RBMS3: variants seen among roughly 807,000 people sequenced by gnomAD.
RBMS3 encodes RNA-binding motif, single-stranded-interacting protein 3.
A neutral mutation model predicts 66.8 loss-of-function variants in RBMS3; 27 were observed. That is an observed-to-expected ratio of 0.40 (90% CI 0.30 to 0.56). The LOEUF (loss-of-function observed/expected upper bound fraction) is 0.56. Among genes scored for constraint, RBMS3 ranks in the 20% least tolerant of loss-of-function variants. RBMS3 has a pLI of 0.40. For synonymous variants in RBMS3, 188 were observed against 183.0 expected, an observed-to-expected ratio of 1.03 and a Z score of -0.22; for missense variants, 513 against 549.5, an observed-to-expected ratio of 0.93 and a Z score of 0.66.
chr3:29,807,622 T>C (rs1339862876), intron 6 of RBMS3, among the ~76,000 whole-genome samples: 1 of 151,906 alleles, frequency 6.6e-6, no homozygotes, highest in Non-Finnish European at 1.5e-5. Flanking sequence ...CAGTGTACAA[T>C]GCAGTACTAC....
chr3:29,352,201 C>T (rs114174066), intron 1 of RBMS3, among the ~76,000 whole-genome samples: 1,594 of 152,100 alleles, frequency 0.01, 35 homozygotes, highest in African/African-American at 0.036. Flanking sequence ...TCTGCAACTG[C>T]GTCTTTTTTT....
At chr3:29,467,433 T>A (rs1376426280) in intron 2 of RBMS3, among the ~76,000 whole-genome samples, 1 of 152,166 alleles carries the variant, frequency 6.6e-6, no homozygotes, top group Non-Finnish European at 1.5e-5. Flanking sequence ...TACATACATA[T>A]GTGTGTCATG....
chr3:29,743,828 T>C (rs1329775833), intron 5 of RBMS3, among the ~76,000 whole-genome samples: 5 of 151,456 alleles, frequency 3.3e-5, no homozygotes, highest in African/African-American at 4.9e-5. Flanking sequence ...ATGTGCCATG[T>C]TGGTATGCTG....
At chr3:29,364,890 T>C (rs996216023) in intron 1 of RBMS3, among the ~76,000 whole-genome samples, 3 of 152,172 alleles carry the variant, frequency 2.0e-5, no homozygotes, top group African/African-American at 7.2e-5. Flanking sequence ...TTTGCCAGCA[T>C]AATGAGTTCG....
chr3:29,552,508 G>A lies in RBMS3; in HGVS notation c.308-34606G>A, dbSNP rs576709666. On this transcript the variant is annotated intron_variant, in intron 3 of 14. Transcript: ENST00000383767. ...AATCCAAGAAGTGTTCAGAGGAAGC[G>A]TTATATTTCTCTTTAAAACACACTG... Among the ~76,000 whole-genome samples the A allele has an allele frequency of 4.4e-4, 67 of 152,172 alleles. 1 individual carries two copies. Among genetic ancestry groups the A allele is most frequent in the African/African-American group, 1.3e-3 (55 of 41,518 alleles).
intron 10 of RBMS3, among the ~76,000 whole-genome samples, chr3:29,929,759 G>C (rs909806363): frequency 6.6e-6 from 1 of 152,006 alleles, no homozygotes; most frequent in African/African-American, 2.4e-5. Flanking sequence ...TCATATAGCA[G>C]TGGAAAATGT....
intron 1 of RBMS3, among the ~76,000 whole-genome samples, chr3:29,317,047 A>G (rs2034724448): frequency 1.3e-5 from 2 of 151,734 alleles, no homozygotes; most frequent in Admixed American, 1.3e-4. Flanking sequence ...TTTGAGATTC[A>G]TTCTTTTGTC....
intron 1 of RBMS3, among the ~76,000 whole-genome samples, chr3:29,345,065 G>A (rs375295077): frequency 6.6e-6 from 1 of 152,184 alleles, no homozygotes; most frequent in Non-Finnish European, 1.5e-5. Flanking sequence ...TATTTGTCTT[G>A]TTAAAGACCC....
chr3:29,330,597 C>A (rs952052921), intron 1 of RBMS3, among the ~76,000 whole-genome samples: 1 of 152,076 alleles, frequency 6.6e-6, no homozygotes, highest in African/African-American at 2.4e-5. Flanking sequence ...AATTCCACAG[C>A]CTCCCTTGGC....
At chr3:29,878,389 A>C (rs2059660456) in intron 7 of RBMS3, among the ~76,000 whole-genome samples, 1 of 152,026 alleles carries the variant, frequency 6.6e-6, no homozygotes, top group Non-Finnish European at 1.5e-5. Context: ...GAGACCCTCA[A>C]TTTCTCAGCC....
At chr3:29,289,989 A>G (rs1033415385) in intron 1 of RBMS3, among the ~76,000 whole-genome samples, 3 of 151,820 alleles carry the variant, frequency 2.0e-5, no homozygotes, top group Admixed American at 1.3e-4. Context: ...GTGTACTACT[A>G]CTTAGTCATT....
chr3:29,295,170 G>A (rs2033137141), intron 1 of RBMS3, among the ~76,000 whole-genome samples: 1 of 150,464 alleles, frequency 6.6e-6, no homozygotes. Context: ...ACTTCTCTTG[G>A]TTTTTCCAAG....
intron 1 of RBMS3, among the ~76,000 whole-genome samples, chr3:29,393,894 A>C (rs2039425375): frequency 6.6e-6 from 1 of 152,170 alleles, no homozygotes. Context: ...GGGCAATAAA[A>C]GATCACAAGG....
intron 4 of RBMS3, among the ~76,000 whole-genome samples, chr3:29,600,757 T>C (rs527501767): frequency 6.6e-6 from 1 of 152,208 alleles, no homozygotes; most frequent in African/African-American, 2.4e-5. Context: ...ATAGCATTTT[T>C]TGAAAGCATA....
chr3:29,433,376 T>G (rs2041280693), intron 1 of RBMS3, among the ~76,000 whole-genome samples: 2 of 152,196 alleles, frequency 1.3e-5, no homozygotes, highest in African/African-American at 4.8e-5. Context: ...GTGCTTATTT[T>G]GTTTTTGGGT....
intron 3 of RBMS3, among the ~76,000 whole-genome samples, chr3:29,530,774 A>T (rs1043302257): frequency 2.0e-5 from 3 of 151,536 alleles, no homozygotes; most frequent in Non-Finnish European, 4.4e-5. Flanking sequence ...CGGAAGGCTG[A>T]GGCAGGAGAA....
intron 1 of RBMS3, among the ~76,000 whole-genome samples, chr3:29,431,438 A>G (rs1248768643): frequency 6.6e-6 from 1 of 151,628 alleles, no homozygotes; most frequent in African/African-American, 2.4e-5. Context: ...GATTATAGGC[A>G]CATACCACCA....
At chr3:29,696,792 G>T (rs1202340714) in intron 4 of RBMS3, among the ~76,000 whole-genome samples, 2 of 152,120 alleles carry the variant, frequency 1.3e-5, no homozygotes, top group Non-Finnish European at 2.9e-5. Context: ...ACCACTGTGG[G>T]TGACTGCAGG....
intron 1 of RBMS3, among the ~76,000 whole-genome samples, chr3:29,318,310 T>C (rs567177109): frequency 4.9e-4 from 74 of 152,030 alleles, no homozygotes; most frequent in African/African-American, 1.7e-3. Context: ...ACTAGAAATG[T>C]AGTGACTGAG....
Sources: gnomAD v4.1 joint callset for allele counts (sites outside exome capture counted in the v4.1 genomes callset) on GRCh38, gnomAD v4.1.1 for gene constraint, MANE v1.5 for transcripts, NCBI Gene and HGNC (gene_info 2026-07-23, HGNC 2026-07-21) for gene names.